The following MESP1 variants were observed in gnomAD, a reference collection of about 807,000 sequenced individuals.
The protein encoded by MESP1 is mesoderm posterior protein 1.
Under a neutral mutation model 15.2 loss-of-function variants are expected in MESP1, and 22 were observed. The ratio of observed to expected loss-of-function variants is 1.45; its 90% CI spans 1.04 to 2.07. The LOEUF (loss-of-function observed/expected upper bound fraction) is 2.07, where lower values mean the gene tolerates loss of function less well. Among genes scored for constraint, MESP1 ranks in the 30% most tolerant of loss-of-function variants. The pLI is 0.00. For synonymous variants in MESP1, 216 were observed against 192.6 expected, an observed-to-expected ratio of 1.12 and a Z score of -1.01; for missense variants, 484 against 411.9, an observed-to-expected ratio of 1.17 and a Z score of -1.51.
chr15:89,750,057 G>A lies in MESP1; in HGVS notation c.*87C>T. On this transcript the variant is annotated 3_prime_UTR_variant, in exon 2 of 2. Coordinates refer to ENST00000300057, the MANE Select transcript of MESP1 (RefSeq NM_018670.4). ...TCGGGATCGCCCGTGCCCTCTTCCA[G>A]GAAAGGCAGTCTGCCAAGGAACCAC... The A allele has an allele frequency of 7.5e-7, 1 of 1,328,008 alleles. No individual in the cohort carries two copies. The highest frequency in any genetic ancestry group is 1.1e-6 in the Non-Finnish European group (1 of 921,538). The allele number at this position is 1,328,008 out of a possible 1,614,324, so 82.3% of individuals were successfully genotyped here.
In MESP1 at chr15:89,750,833, G is replaced by T; in HGVS notation, c.399C>A (p.Ile133=). ...GGCCTAGCACGGCCGACAGGTGGCC[G>T]ATATAGCGGATAGCCAGGCGCAGCG... is the stretch of plus-strand genomic sequence containing the variant. ...IETLRLAIRY[I]GHLSAVLGLS... The change falls in exon 1 of 2, where the codon ATC becomes ATA. Residue 133 remains isoleucine, a synonymous_variant. Transcript: ENST00000300057. 1.3e-6 allele frequency: 2 copies of T among 1,530,020 alleles called. No individual in the cohort carries two copies. Among genetic ancestry groups the T allele is most frequent in the Non-Finnish European group, 1.7e-6 (2 of 1,144,148 alleles). 94.8% of individuals were successfully genotyped at this position (1,530,020 alleles called of 1,614,324 possible).
the MESP1 span, among the ~76,000 whole-genome samples, chr15:89,744,463 A>G: frequency 6.6e-6 from 1 of 152,248 alleles, no homozygotes; most frequent in East Asian, 1.9e-4. Flanking sequence ...AGGAAGGAGA[A>G]CTTAGGAAGA....
chr15:89,737,861 C>A, the MESP1 span: 3 of 1,393,100 alleles, frequency 2.2e-6, no homozygotes, highest in Non-Finnish European at 2.9e-6. Context: ...GGTACCGCAG[C>A]TCAGTCCTCA....
chr15:89,737,833 C>T, the MESP1 span: 2 of 1,515,712 alleles, frequency 1.3e-6, no homozygotes, highest in African/African-American at 2.8e-5. Context: ...CTGTGTCCCC[C>T]TCTACCATAG....
the MESP1 span, among the ~76,000 whole-genome samples, chr15:89,734,264 C>T: frequency 5.9e-5 from 9 of 152,210 alleles, no homozygotes; most frequent in Non-Finnish European, 1.3e-4. Flanking sequence ...GCAATTTGGA[C>T]TGGACTCAGT....
the MESP1 span, among the ~76,000 whole-genome samples, chr15:89,742,117 G>A: frequency 6.6e-6 from 1 of 152,116 alleles, no homozygotes; most frequent in Admixed American, 6.5e-5. Flanking sequence ...GCCAGGTGCT[G>A]TGGCTCACGC....
At chr15:89,743,818 T>C in the MESP1 span, among the ~76,000 whole-genome samples, 3 of 152,122 alleles carry the variant, frequency 2.0e-5, no homozygotes, top group Non-Finnish European at 4.4e-5. Context: ...CCCCACCCAT[T>C]TCTCCCTCCC....
the MESP1 span, among the ~76,000 whole-genome samples, chr15:89,734,006 TGTGTGTGC>T: frequency 3.3e-5 from 5 of 151,510 alleles, no homozygotes; most frequent in African/African-American, 1.2e-4. Flanking sequence ...TGTGTGTGTG[TGTGTGTGC>T]GCGCGCGCAT....
the MESP1 span, among the ~76,000 whole-genome samples, chr15:89,744,467 A>G: frequency 9.2e-5 from 14 of 152,246 alleles, no homozygotes; most frequent in Admixed American, 9.2e-4. Flanking sequence ...AGGAGAACTT[A>G]GGAAGATGGT....
At chr15:89,743,357 CCTT>C in the MESP1 span, 1 of 1,614,168 alleles carries the variant, frequency 6.2e-7, no homozygotes, top group Non-Finnish European at 8.5e-7. Flanking sequence ...CAGAGGTACT[CCTT>C]GTCGCTCCAG....
At chr15:89,741,184 T>C in the MESP1 span, among the ~76,000 whole-genome samples, 3 of 152,246 alleles carry the variant, frequency 2.0e-5, no homozygotes, top group African/African-American at 7.2e-5. Flanking sequence ...TATTTGCTAT[T>C]ACACATAAAT....
downstream of MESP1, among the ~76,000 whole-genome samples, chr15:89,747,137 CACA>C (rs1567139511): frequency 1.1e-3 from 159 of 150,972 alleles, no homozygotes; most frequent in African/African-American, 3.7e-3. Flanking sequence ...CACACACACA[CACA>C]CACACACCCC....
At chr15:89,736,625 G>A in the MESP1 span, among the ~76,000 whole-genome samples, 1 of 152,044 alleles carries the variant, frequency 6.6e-6, no homozygotes, top group Non-Finnish European at 1.5e-5. Flanking sequence ...AAGAAAGTGA[G>A]AGCAGTGTCC....
At chr15:89,733,190 A>G in the MESP1 span, 8 of 1,613,892 alleles carry the variant, frequency 5.0e-6, no homozygotes, top group African/African-American at 6.7e-5. Flanking sequence ...GCGGGACCCA[A>G]GGACCCACCA....
the MESP1 span, among the ~76,000 whole-genome samples, chr15:89,740,324 T>C: frequency 4.6e-5 from 7 of 152,150 alleles, no homozygotes; most frequent in African/African-American, 1.7e-4. Flanking sequence ...AGTGGGTCGC[T>C]GGGAGGCTCT....
At chr15:89,736,558 G>T in the MESP1 span, among the ~76,000 whole-genome samples, 1 of 152,086 alleles carries the variant, frequency 6.6e-6, no homozygotes, top group Admixed American at 6.6e-5. Context: ...AAGTGACCGT[G>T]AGGGGCCCCA....
chr15:89,749,342 C>G (rs962832697), downstream of MESP1: 1 of 152,160 alleles, frequency 6.6e-6, no homozygotes, highest in Non-Finnish European at 1.5e-5. Context: ...TGGGGGAGTT[C>G]CAAGGCCAGG....
At position 89,750,854 on chromosome 15, in the gene MESP1, C is replaced by T. The variant is rs1388984411; in HGVS notation, c.378G>A (p.Leu126=). 6.5e-7 allele frequency: 1 copy of T among 1,531,632 alleles called. No homozygotes were observed. Among genetic ancestry groups the T allele is most frequent in the Admixed American group, 1.9e-5 (1 of 51,300 alleles). 94.9% of individuals were successfully genotyped at this position (1,531,632 alleles called of 1,614,324 possible). ...AGQSLTKIET[L]RLAIRYIGHL... The stretch of plus-strand genomic sequence containing the variant: ...GGCCGATATAGCGGATAGCCAGGCG[C>T]AGCGTCTCGATCTTGGTCAGGCTCT... Residue 126 remains leucine, a synonymous_variant, in exon 1 of 2, where the codon CTG becomes CTA. Transcript: ENST00000300057.
the MESP1 span, among the ~76,000 whole-genome samples, chr15:89,733,853 A>G: frequency 6.6e-6 from 1 of 152,212 alleles, no homozygotes; most frequent in African/African-American, 2.4e-5. Flanking sequence ...CAGAAAATGG[A>G]TTAAGACAAC....
Sources: gnomAD v4.1 joint callset for allele counts (sites outside exome capture counted in the v4.1 genomes callset) on GRCh38, gnomAD v4.1.1 for gene constraint, MANE v1.5 for transcripts, NCBI Gene and HGNC (gene_info 2026-07-23, HGNC 2026-07-21) for gene names.